Variants in ADARB2 observed in about 807,000 individuals in gnomAD.
ADARB2 encodes the protein inactive double-stranded RNA-specific editase B2.
A neutral mutation model predicts 62.2 loss-of-function variants in ADARB2; 25 were observed. The observed-to-expected ratio is 0.40, with a 90% CI of 0.29 to 0.56. The LOEUF (loss-of-function observed/expected upper bound fraction) is 0.56. ADARB2 is among the 20% of genes least tolerant of loss of function. The pLI, the probability that ADARB2 is intolerant of heterozygous loss-of-function variation, is 0.43. For missense variants in ADARB2, 1,071 were observed against 1,077.4 expected (o/e 0.99, Z 0.08); for synonymous variants, 572 against 500.8 (o/e 1.14, Z -1.90).
chr10:1,310,014 G>A (rs745858823), intron 3 of ADARB2, among the ~76,000 whole-genome samples: 1 of 152,156 alleles, frequency 6.6e-6, no homozygotes, highest in Non-Finnish European at 1.5e-5. Context: ...CATGCTCTCT[G>A]GGTCTTCATG....
chr10:1,479,612 G>A (rs531499765), intron 1 of ADARB2, among the ~76,000 whole-genome samples: 3 of 152,358 alleles, frequency 2.0e-5, no homozygotes, highest in African/African-American at 2.4e-5. Context: ...GCATTTGGGC[G>A]TATGGAGGGC....
chr10:1,206,135 C>T (rs1837062112), intron 7 of ADARB2, among the ~76,000 whole-genome samples: 1 of 152,234 alleles, frequency 6.6e-6, no homozygotes, highest in South Asian at 2.1e-4. Flanking sequence ...CTCAAAAACT[C>T]CCTTTCTCTT....
intron 3 of ADARB2, among the ~76,000 whole-genome samples, chr10:1,287,818 G>C (rs10794734): frequency 0.17 from 25,160 of 152,254 alleles, 2,313 homozygotes; most frequent in Admixed American, 0.28. Flanking sequence ...AGTGTGCTTT[G>C]GAGTTATGCC....
At chr10:1,319,929 A>C (rs1411206466) in intron 3 of ADARB2, among the ~76,000 whole-genome samples, 4 of 152,184 alleles carry the variant, frequency 2.6e-5, no homozygotes, top group Non-Finnish European at 4.4e-5. Context: ...AACGTTTCTA[A>C]AGTTTTTGGT....
chr10:1,506,187 A>T lies in ADARB2; in HGVS notation c.101-127027T>A, dbSNP rs558171554. 1.3e-3 allele frequency among the ~76,000 whole-genome samples: 202 copies of T among 152,292 alleles called. 1 individual carries two copies. The highest frequency in any genetic ancestry group is 9.7e-4 in the East Asian group (5 of 5,172). Reference sequence around the variant, plus strand: ...TTTTCAGGTAGAAATGAATAATATTATGGTATTGGTCAGGAAGAAATTTAA... The same window carrying T: ...TTTTCAGGTAGAAATGAATAATATTTTGGTATTGGTCAGGAAGAAATTTAA... On this transcript the variant is annotated intron_variant, in intron 1 of 9. Transcript: ENST00000381312.
intron 1 of ADARB2, among the ~76,000 whole-genome samples, chr10:1,507,440 C>T (rs772187724): frequency 1.5e-4 from 23 of 152,360 alleles, no homozygotes; most frequent in Middle Eastern, 3.4e-3. Context: ...CCACACACCC[C>T]AGCTTCTGCT....
chr10:1,639,537 T>A (rs1266460291), intron 1 of ADARB2, among the ~76,000 whole-genome samples: 1 of 152,186 alleles, frequency 6.6e-6, no homozygotes, highest in African/African-American at 2.4e-5. Flanking sequence ...CCAACATGAC[T>A]TCCCGTTCTT....
intron 3 of ADARB2, among the ~76,000 whole-genome samples, chr10:1,327,912 T>TCAGCGCCTCCTCACAGC (rs1831889610): frequency 1.9e-5 from 1 of 51,318 alleles, no homozygotes; most frequent in African/African-American, 7.3e-5. Context: ...CTCCTCACAG[T>TCAGCGCCTCCTCACAGC]TCAGCATCTC....
Position 1,273,180 on chromosome 10 carries a change from G to A in ADARB2, c.1078-2111C>T, listed in dbSNP as rs145308289. Reference sequence around the variant, plus strand: ...CTCAGTCACCGTCATGGGGTTGGACGTGTCTTTCTGGGGCTGTTCAACCTG... The same window carrying A: ...CTCAGTCACCGTCATGGGGTTGGACATGTCTTTCTGGGGCTGTTCAACCTG... On this transcript the variant is annotated intron_variant, in intron 3 of 9. Transcript: ENST00000381312. 3.3e-3 allele frequency among the ~76,000 whole-genome samples: 446 copies of A among 136,962 alleles called. 2 individuals carry two copies. The highest frequency in any genetic ancestry group is 0.012 in the African/African-American group (421 of 36,568). The allele number at this position is 136,962 out of a possible 152,430, so 89.9% of individuals were successfully genotyped here.
At chr10:1,205,135 G>A (rs781284252) in intron 7 of ADARB2, among the ~76,000 whole-genome samples, 4 of 152,298 alleles carry the variant, frequency 2.6e-5, no homozygotes, top group East Asian at 1.9e-4. Context: ...GCCTCCAACC[G>A]CCCCAGCTGA....
chr10:1,550,883 G>A (rs550539411), intron 1 of ADARB2, among the ~76,000 whole-genome samples: 81 of 152,084 alleles, frequency 5.3e-4, no homozygotes, highest in African/African-American at 1.9e-3. Context: ...TGTTTGTGCC[G>A]CAACAGGAAG....
At chr10:1,594,227 G>A (rs1339908905) in intron 1 of ADARB2, among the ~76,000 whole-genome samples, 1 of 152,148 alleles carries the variant, frequency 6.6e-6, no homozygotes, top group Non-Finnish European at 1.5e-5. Flanking sequence ...GGAGGCAGAG[G>A]TTGCAGGGAC....
intron 3 of ADARB2, among the ~76,000 whole-genome samples, chr10:1,315,626 G>A (rs531806592): frequency 7.2e-5 from 11 of 152,336 alleles, no homozygotes; most frequent in African/African-American, 2.6e-4. Flanking sequence ...CTCCCACAAT[G>A]GGCCCTACCC....
In ADARB2 at chr10:1,396,307, G is replaced by A. The variant is rs560306262; in HGVS notation, c.101-17147C>T. Among the ~76,000 whole-genome samples, 20 of 152,186 alleles carry A rather than the reference G, an allele frequency of 1.3e-4. No individual in the cohort carries two copies. In the East Asian group the frequency reaches 3.5e-3, roughly 27 times the overall value. On this transcript the variant is annotated intron_variant, in intron 1 of 9. Transcript: ENST00000381312. ...TTCCCATCCCTGTCCCCACCCCCTC[G>A]GTGACCCATCGCAGCTGCACGGGTG...
chr10:1,556,689 C>T (rs1260331052), intron 1 of ADARB2: 2 of 534,414 alleles, frequency 3.7e-6, no homozygotes, highest in Non-Finnish European at 7.7e-6. Context: ...GCTCAGCAAA[C>T]CGGGACCAGA....
intron 1 of ADARB2, among the ~76,000 whole-genome samples, chr10:1,576,920 G>A (rs973552184): frequency 2.0e-5 from 3 of 152,182 alleles, no homozygotes; most frequent in Non-Finnish European, 2.9e-5. Flanking sequence ...GGTCTTGGAG[G>A]CAGTGAGGTG....
At chr10:1,629,666 AC>A (rs1184768551) in intron 1 of ADARB2, among the ~76,000 whole-genome samples, 2 of 148,604 alleles carry the variant, frequency 1.3e-5, no homozygotes, top group Non-Finnish European at 3.0e-5. Context: ...AGTCCAGCTC[AC>A]CCCCGGCCCT....
chr10:1,343,997 C>A (rs1163525906), intron 3 of ADARB2, among the ~76,000 whole-genome samples: 1 of 152,156 alleles, frequency 6.6e-6, no homozygotes, highest in Non-Finnish European at 1.5e-5. Context: ...ATATAGCAAA[C>A]CTGCACATGT....
intron 1 of ADARB2, among the ~76,000 whole-genome samples, chr10:1,401,580 C>T (rs1832662968): frequency 6.6e-6 from 1 of 152,288 alleles, no homozygotes; most frequent in African/African-American, 2.4e-5. Flanking sequence ...AATGGGAGCT[C>T]GCATGCTGTG....
Sources: allele counts gnomAD v4.1 joint callset (sites outside exome capture counted in the v4.1 genomes callset), GRCh38; gene constraint gnomAD v4.1.1; transcripts MANE v1.5; gene names NCBI Gene and HGNC (gene_info 2026-07-23, HGNC 2026-07-21).